Variants in SH3D21 observed in about 807,000 individuals in gnomAD.
The protein encoded by SH3D21 is SH3 domain-containing protein 21.
In SH3D21, 83 loss-of-function variants were observed where a neutral mutation model predicts 82.1. The ratio of observed to expected loss-of-function variants is 1.01; its 90% CI spans 0.85 to 1.21. SH3D21 has a LOEUF of 1.21. SH3D21 is among the 50% of genes most tolerant of loss of function. The pLI is 0.00. For synonymous variants in SH3D21, 383 were observed against 387.8 expected (o/e 0.99, Z 0.15); for missense variants, 980 against 962.1 (o/e 1.02, Z -0.25).
chr1:36,322,665 G>A, downstream of SH3D21: 1 of 1,547,266 alleles, frequency 6.5e-7, no homozygotes, highest in South Asian at 1.2e-5. Flanking sequence ...CAGGCAGAGG[G>A]TGAGCAGCAG....
intron 10 of SH3D21, among the ~76,000 whole-genome samples, 151 bp from the exon 11 acceptor site, chr1:36,318,919 TA>T (rs983532114): frequency 4.1e-5 from 6 of 147,252 alleles, no homozygotes; most frequent in African/African-American, 1.5e-4. Context: ...ATAATAATAA[TA>T]ATAATAATAA....
downstream of SH3D21, chr1:36,327,968 C>G (rs751392079): frequency 5.7e-6 from 5 of 880,032 alleles, no homozygotes; most frequent in Non-Finnish European, 8.1e-6. Context: ...CGTGTGTCAC[C>G]TGCTGTTCTG....
chr1:36,320,475 G>A lies in SH3D21; in HGVS notation c.1812G>A (p.Ala604=), dbSNP rs997016807. ...SNDERTPEEE[A]PPNEQRPLRE... ...ACGAGAGGACCCCTGAAGAGGAGGC[G>A]CCCCCCAACGAGCAGAGGCCTCTGA... Residue 604 remains alanine, a synonymous_variant, in exon 14 of 16, where the codon GCG becomes GCA. Transcript: ENST00000453908. 8 of 1,613,550 alleles carry A rather than the reference G, an allele frequency of 5.0e-6. No individual in the cohort carries two copies. Among genetic ancestry groups the A allele is most frequent in the Non-Finnish European group, 6.8e-6 (8 of 1,179,890 alleles).
chr1:36,328,275 T>C (rs986198511), downstream of SH3D21: 3 of 388,622 alleles, frequency 7.7e-6, no homozygotes, highest in African/African-American at 2.1e-5. Flanking sequence ...AGCACAGCTC[T>C]GCTCCCGGCC....
intron 10 of SH3D21, among the ~76,000 whole-genome samples, chr1:36,313,972 C>CTTTTTCTTTTTTTTTTTT (rs1646291315): frequency 2.7e-5 from 1 of 36,784 alleles, no homozygotes; most frequent in Non-Finnish European, 5.4e-5. Flanking sequence ...AACATATTTT[C>CTTTTTCTTTTTTTTTTTT]TTTTTTTTTT....
intron 10 of SH3D21, among the ~76,000 whole-genome samples, chr1:36,315,015 A>G (rs1242464513): frequency 6.6e-6 from 1 of 152,078 alleles, no homozygotes; most frequent in Non-Finnish European, 1.5e-5. Flanking sequence ...AATGCTCTGC[A>G]AATTATCCCA....
chr1:36,315,628 C>T (rs1056927223), intron 10 of SH3D21, among the ~76,000 whole-genome samples: 1 of 152,150 alleles, frequency 6.6e-6, no homozygotes. Flanking sequence ...GGATTACAGG[C>T]GTGAACCACT....
Position 36,308,068 on chromosome 1 carries a change from G to T in SH3D21, c.539-41G>T, listed in dbSNP as rs764049097. The T allele has an allele frequency of 9.1e-6, 14 of 1,546,536 alleles. No individual in the cohort carries two copies. In the South Asian group the frequency reaches 1.6e-4, roughly 17 times the overall value. The stretch of plus-strand genomic sequence containing the variant: ...AGGTGGGGGCTGCTGATGGATGGGG[G>T]AGGCTTGGCTTCAGAGGACAGTGGA... On this transcript the variant is annotated intron_variant, in intron 7 of 15. Coordinates refer to ENST00000453908, the MANE Select transcript of SH3D21 (RefSeq NM_001162530.2).
chr1:36,320,280 G>T lies in SH3D21; in HGVS notation c.1617G>T (p.Gln539His). Residue 539 changes from glutamine (Q) to histidine (H), a missense_variant, in exon 14 of 16, where the codon CAG (glutamine) becomes CAT (histidine). By Grantham distance (24) the Gln-to-His change is conservative. Coordinates refer to ENST00000453908, the MANE Select transcript of SH3D21 (RefSeq NM_001162530.2). ...ACACGCCAGAGGCACCCCCACCCCA[G>T]CCTCCTTCCTCAGAGAGGTGCCTGG... The part of the protein sequence containing the change: ...EAHTPEAPPP[Q>H]PPSSERCLGE... 1.2e-6 allele frequency: 2 copies of T among 1,612,670 alleles called. No homozygotes were observed. The highest frequency in any genetic ancestry group is 2.2e-5 in the South Asian group (2 of 91,040).
chr1:36,308,520 T>C (rs1339712063), intron 9 of SH3D21, 45 bp downstream of exon 9: 3 of 1,522,278 alleles, frequency 2.0e-6, no homozygotes, highest in Non-Finnish European at 2.7e-6. Flanking sequence ...GCAGGCTATT[T>C]TGGACAAAGG....
At chr1:36,322,261 A>G, downstream of SH3D21, 1 of 1,459,908 alleles carries the variant, frequency 6.8e-7, no homozygotes, top group Non-Finnish European at 9.0e-7. Context: ...CAGGTCCGGT[A>G]CCCCGAGCGC....
chr1:36,307,208 G>A lies in SH3D21; in HGVS notation c.268G>A (p.Val90Met), dbSNP rs1557470352. The A allele has an allele frequency of 1.3e-6, 2 of 1,551,814 alleles. No homozygotes were observed. Among genetic ancestry groups the A allele is most frequent in the Admixed American group, 2.0e-5 (1 of 51,016 alleles). ...CCCGAGGCCCCAAAGATGGTGCAAA[G>A]TGAACTTCAGCTACAGCCCAGAGCA... ...KHPRPQRWCK[V>M]NFSYSPEQAD... The change falls in exon 4 of 16, where the codon GTG becomes ATG. Residue 90 changes from valine (V) to methionine (M), a missense_variant. By Grantham distance (21) the Val-to-Met change is conservative (BLOSUM62 1). Transcript: ENST00000453908. The surrounding 1 kb of genome is among the most constrained non-coding windows in gnomAD (Gnocchi z 5.4).
At chr1:36,311,402 A>G (rs1420384426) in intron 10 of SH3D21, among the ~76,000 whole-genome samples, 2 of 151,668 alleles carry the variant, frequency 1.3e-5, no homozygotes, top group Non-Finnish European at 2.9e-5. Flanking sequence ...CATCACGCCC[A>G]GCTAATTTTT....
Position 36,319,515 on chromosome 1 carries a change from G to C in SH3D21, c.990G>C (p.Gln330His). Residue 330 changes from glutamine to histidine, a missense_variant, in exon 13 of 16, where the codon CAG becomes CAC. Transcript: ENST00000453908. ...AGCGATCCAAAACCCAGACTCCCCA[G>C]CAACGCTCTGTGTCCAGTCAGGTGA... ...GRKRSKTQTP[Q>H]QRSVSSQEEE... 6.4e-7 allele frequency: 1 copy of C among 1,551,746 alleles called. No individual in the cohort carries two copies. Among genetic ancestry groups the C allele is most frequent in the Non-Finnish European group, 8.7e-7 (1 of 1,146,990 alleles).
downstream of SH3D21, chr1:36,329,366 G>C (rs1646572661): frequency 6.6e-6 from 1 of 152,196 alleles, no homozygotes; most frequent in South Asian, 2.1e-4. Context: ...TCTTTACACA[G>C]TAGTTGCATT....
chr1:36,310,308 A>G (rs377467075), intron 10 of SH3D21, among the ~76,000 whole-genome samples: 4 of 151,894 alleles, frequency 2.6e-5, no homozygotes, highest in East Asian at 1.9e-4. Context: ...TATAACACAT[A>G]TGTTATAAAA....
Position 36,320,600 on chromosome 1 carries a change from T to C in SH3D21, c.1937T>C (p.Val646Ala). Residue 646 changes from valine to alanine, a missense_variant, in exon 14 of 16, where the codon GTG (valine) becomes GCG (alanine). Physicochemically the swap from Val to Ala is moderately conservative, Grantham distance 64. Coordinates refer to ENST00000453908, the MANE Select transcript of SH3D21 (RefSeq NM_001162530.2). ...PKEEVAPKEE[V>A]PPIERAFAQK... ...GAGGAAGTGGCTCCAAAAGAGGAGG[T>C]GCCCCCCATAGAAAGAGCCTTTGCC... 1.2e-6 allele frequency: 2 copies of C among 1,614,052 alleles called. No individual in the cohort carries two copies. The highest frequency in any genetic ancestry group is 1.7e-6 in the Non-Finnish European group (2 of 1,180,008).
Position 36,307,716 on chromosome 1 carries a change from C to T in SH3D21, c.437-54C>T, listed in dbSNP as rs1646157360. On this transcript the variant is annotated intron_variant, in intron 5 of 15. Coordinates refer to ENST00000453908, the MANE Select transcript of SH3D21 (RefSeq NM_001162530.2). This position sits in a 1 kb window ranked among gnomAD's most constrained non-coding sequence, Gnocchi z 5.4. ...ACCCTGTGACCCCTCTGACCCTCTC[C>T]CATGACCTAACCTGTGAATTAGCAC... 3 of 1,544,466 alleles carry T rather than the reference C, an allele frequency of 1.9e-6. No individual in the cohort carries two copies. Among genetic ancestry groups the T allele is most frequent in the Non-Finnish European group, 1.8e-6 (2 of 1,142,302 alleles).
chr1:36,322,101 C>T, downstream of SH3D21: 1 of 1,357,738 alleles, frequency 7.4e-7, no homozygotes, highest in South Asian at 1.8e-5. Context: ...GAGTGGGGAC[C>T]CTGCATGCTG....
Sources: gnomAD v4.1 joint callset for allele counts (sites outside exome capture counted in the v4.1 genomes callset) on GRCh38, gnomAD v4.1.1 for gene constraint, Gnocchi (gnomAD v3.1) non-coding constraint, MANE v1.5 for transcripts, NCBI Gene and HGNC (gene_info 2026-07-23, HGNC 2026-07-21) for gene names.